Variants in NELL1 observed in about 807,000 individuals in gnomAD.
NELL1 encodes protein kinase C-binding protein NELL1.
A neutral mutation model predicts 107.4 loss-of-function variants in NELL1; 76 were observed. The ratio of observed to expected loss-of-function variants is 0.71; its 90% CI spans 0.59 to 0.86. The LOEUF (loss-of-function observed/expected upper bound fraction) is 0.86. Among genes scored for constraint, NELL1 ranks in the 40% least tolerant of loss-of-function variants. The pLI is 0.00. For synonymous variants in NELL1, 353 were observed against 341.2 expected, an observed-to-expected ratio of 1.03 and a Z score of -0.38; for missense variants, 1,024 against 1,005.5, an observed-to-expected ratio of 1.02 and a Z score of -0.25.
chr11:21,407,775 C>G (rs1417726323), intron 15 of NELL1, among the ~76,000 whole-genome samples: 1 of 149,486 alleles, frequency 6.7e-6, no homozygotes, highest in Non-Finnish European at 1.5e-5. Context: ...CTAATTATTT[C>G]TTCGAATAGT....
At chr11:21,242,951 A>G (rs1858400981) in intron 14 of NELL1, among the ~76,000 whole-genome samples, 1 of 152,080 alleles carries the variant, frequency 6.6e-6, no homozygotes, top group South Asian at 2.1e-4. Flanking sequence ...TACTTACATA[A>G]CTGATTCCCA....
chr11:21,107,648 G>T (rs1855002025), intron 12 of NELL1, among the ~76,000 whole-genome samples: 1 of 152,112 alleles, frequency 6.6e-6, no homozygotes, highest in African/African-American at 2.4e-5. Flanking sequence ...TCTTGGGAAA[G>T]GCATCTGGAA....
chr11:21,345,322 TCA>T (rs755425810), intron 14 of NELL1, among the ~76,000 whole-genome samples: 56 of 152,228 alleles, frequency 3.7e-4, no homozygotes, highest in Non-Finnish European at 5.6e-4. Context: ...TTGCTCAATG[TCA>T]CACACAAAAT....
intron 15 of NELL1, among the ~76,000 whole-genome samples, chr11:21,514,190 A>G (rs758547196): frequency 6.6e-6 from 1 of 152,228 alleles, no homozygotes; most frequent in African/African-American, 2.4e-5. Context: ...AAAATAATAC[A>G]TTAAAGAAAA....
chr11:21,508,813 A>G (rs941882633), intron 15 of NELL1, among the ~76,000 whole-genome samples: 4 of 152,050 alleles, frequency 2.6e-5, no homozygotes, highest in Non-Finnish European at 5.9e-5. Context: ...AAAATGTTAG[A>G]TATAGGACTT....
chr11:21,423,105 G>A (rs777518176), intron 15 of NELL1, among the ~76,000 whole-genome samples: 9 of 152,100 alleles, frequency 5.9e-5, no homozygotes, highest in Admixed American at 1.3e-4. Context: ...AGTGGCTCAC[G>A]CCTGTAAACC....
chr11:21,344,405 A>G (rs1850641776), intron 14 of NELL1, among the ~76,000 whole-genome samples: 1 of 152,116 alleles, frequency 6.6e-6, no homozygotes, highest in South Asian at 2.1e-4. Flanking sequence ...CTGGTGTAGA[A>G]GCTATAGTAT....
intron 15 of NELL1, among the ~76,000 whole-genome samples, chr11:21,513,597 A>G (rs1855491692): frequency 6.6e-6 from 1 of 152,218 alleles, no homozygotes; most frequent in South Asian, 2.1e-4. Context: ...TGAGTCAGTC[A>G]GAGATTGTTG....
At chr11:21,407,055 G>A (rs1385317709) in intron 15 of NELL1, among the ~76,000 whole-genome samples, 1 of 151,982 alleles carries the variant, frequency 6.6e-6, no homozygotes, top group Non-Finnish European at 1.5e-5. Flanking sequence ...TTTGAGTGAA[G>A]CTGTAGTTTA....
chr11:20,711,531 C>G (rs186909494), intron 2 of NELL1, among the ~76,000 whole-genome samples: 9 of 151,946 alleles, frequency 5.9e-5, no homozygotes, highest in African/African-American at 2.2e-4. Context: ...GGTTTTATTT[C>G]AAGATTTAGA....
chr11:20,855,309 C>T (rs1436863799), intron 4 of NELL1, among the ~76,000 whole-genome samples: 1 of 152,054 alleles, frequency 6.6e-6, no homozygotes, highest in Non-Finnish European at 1.5e-5. Flanking sequence ...TCTCCATCCA[C>T]TTGCACTCCT....
At chr11:20,861,428 T>C (rs1232566483) in intron 4 of NELL1, among the ~76,000 whole-genome samples, 1 of 152,200 alleles carries the variant, frequency 6.6e-6, no homozygotes, top group Non-Finnish European at 1.5e-5. Flanking sequence ...CTTGGTAGTG[T>C]GTGGAGCAGT....
At chr11:21,307,927 T>C (rs988817448) in intron 14 of NELL1, among the ~76,000 whole-genome samples, 10 of 152,044 alleles carry the variant, frequency 6.6e-5, no homozygotes, top group African/African-American at 2.2e-4. Flanking sequence ...TTGTTTTTAT[T>C]GCACCTCAGA....
intron 13 of NELL1, among the ~76,000 whole-genome samples, chr11:21,174,230 T>A (rs902825493): frequency 6.6e-6 from 1 of 151,816 alleles, no homozygotes; most frequent in Non-Finnish European, 1.5e-5. Context: ...AATATACAAG[T>A]AACTGATTCT....
At chr11:20,871,318 C>T (rs1047737940) in intron 4 of NELL1, among the ~76,000 whole-genome samples, 10 of 152,102 alleles carry the variant, frequency 6.6e-5, no homozygotes, top group African/African-American at 2.2e-4. Flanking sequence ...CTGGCTGGGA[C>T]ACATGGAGAA....
At chr11:21,275,245 A>C (rs1848828434) in intron 14 of NELL1, among the ~76,000 whole-genome samples, 1 of 152,222 alleles carries the variant, frequency 6.6e-6, no homozygotes, top group Non-Finnish European at 1.5e-5. Flanking sequence ...AGAAATACAA[A>C]CTACCATCAG....
intron 15 of NELL1, among the ~76,000 whole-genome samples, chr11:21,512,266 T>A (rs11026120): frequency 2.0e-5 from 3 of 151,964 alleles, no homozygotes; most frequent in South Asian, 2.1e-4. Flanking sequence ...TTTTCTTCTC[T>A]TTCTATCTCC....
intron 15 of NELL1, among the ~76,000 whole-genome samples, chr11:21,521,298 T>G (rs1431505883): frequency 3.9e-5 from 6 of 152,220 alleles, no homozygotes; most frequent in Non-Finnish European, 8.8e-5. Flanking sequence ...TTGTACCTTT[T>G]CTAAATATCG....
rs1033657643 is a variant in NELL1 at position 21,238,035 on chromosome 11, C to T, written c.1549+8581C>T. ...CGTACTTGAAATGTCCACTTGGATC[C>T]CTTACAGGTATCTCAAACCTAGCAC... On this transcript the variant is annotated intron_variant, in intron 14 of 19. Coordinates refer to ENST00000357134, the MANE Select transcript of NELL1 (RefSeq NM_006157.5). Among the ~76,000 whole-genome samples, 5 of 152,084 alleles carry T rather than the reference C, an allele frequency of 3.3e-5. No homozygotes were observed. In the South Asian group the frequency reaches 1.0e-3, roughly 32 times the overall value.
Sources: gnomAD v4.1 joint callset for allele counts (sites outside exome capture counted in the v4.1 genomes callset) on GRCh38, gnomAD v4.1.1 for gene constraint, MANE v1.5 for transcripts, NCBI Gene and HGNC (gene_info 2026-07-23, HGNC 2026-07-21) for gene names.